Variants in PRKAR2B observed in about 807,000 individuals in gnomAD.
PRKAR2B encodes cAMP-dependent protein kinase type II-beta regulatory subunit.
PRKAR2B carries 14 observed loss-of-function variants against 49.9 expected under a neutral mutation model. That is an observed-to-expected ratio of 0.28 (90% CI 0.19 to 0.44). The LOEUF (loss-of-function observed/expected upper bound fraction) is 0.44, where lower values mean the gene tolerates loss of function less well. Among genes scored for constraint, PRKAR2B ranks in the 20% least tolerant of loss-of-function variants. PRKAR2B has a pLI of 1.00. For synonymous variants in PRKAR2B, 196 were observed against 197.7 expected, an observed-to-expected ratio of 0.99 and a Z score of 0.07; for missense variants, 393 against 537.9, an observed-to-expected ratio of 0.73 and a Z score of 2.67.
chr7:107,054,816 CT>C (rs551645051), intron 1 of PRKAR2B, among the ~76,000 whole-genome samples: 148 of 152,010 alleles, frequency 9.7e-4, no homozygotes, highest in Non-Finnish European at 1.6e-3. Context: ...TTTAAATAGA[CT>C]TTTTTTTATT....
intron 2 of PRKAR2B, among the ~76,000 whole-genome samples, chr7:107,084,095 AT>A (rs926209213): frequency 6.6e-6 from 1 of 152,174 alleles, no homozygotes; most frequent in Non-Finnish European, 1.5e-5. Context: ...TATGTTAAAT[AT>A]TTTTTTGCAC....
intron 2 of PRKAR2B, among the ~76,000 whole-genome samples, chr7:107,107,065 G>A (rs186381465): frequency 5.9e-5 from 9 of 152,244 alleles, no homozygotes; most frequent in East Asian, 1.9e-4. Context: ...GGTTGGGTGC[G>A]GTGGCTCACG....
chr7:107,054,597 T>C (rs1488091527), intron 1 of PRKAR2B, among the ~76,000 whole-genome samples: 2 of 152,160 alleles, frequency 1.3e-5, no homozygotes, highest in Non-Finnish European at 2.9e-5. Flanking sequence ...GAATATGGCC[T>C]CCATCAGTCA....
rs1794966383 is a variant in PRKAR2B at position 107,101,572 on chromosome 7, T to A, written c.344-20380T>A. On this transcript the variant is annotated intron_variant, in intron 2 of 10. Coordinates refer to ENST00000265717, the MANE Select transcript of PRKAR2B (RefSeq NM_002736.3). ...GTGTCTGCCTCATTTTCTGTTAAAT[T>A]TCTGGTTAGTTCACTGCATCCAGGA... Among the ~76,000 whole-genome samples the A allele has an allele frequency of 2.0e-5, 3 of 152,254 alleles. No individual in the cohort carries two copies. The South Asian group carries it at 6.2e-4, about 31-fold the overall frequency.
chr7:107,109,806 G>A (rs923778131), intron 2 of PRKAR2B, among the ~76,000 whole-genome samples: 1 of 152,060 alleles, frequency 6.6e-6, no homozygotes, highest in African/African-American at 2.4e-5. Flanking sequence ...AATTTCCAAT[G>A]TCATTAGATA....
intron 2 of PRKAR2B, among the ~76,000 whole-genome samples, chr7:107,105,526 G>A (rs993375357): frequency 6.6e-5 from 10 of 152,192 alleles, no homozygotes; most frequent in African/African-American, 2.2e-4. Context: ...TGAGAAATGG[G>A]TCAGCACTGA....
At chr7:107,149,804 C>T (rs937717079) in intron 6 of PRKAR2B, among the ~76,000 whole-genome samples, 9 of 152,018 alleles carry the variant, frequency 5.9e-5, no homozygotes, top group African/African-American at 1.9e-4. Context: ...TTTGGTAGCA[C>T]AATAGGGTGA....
intron 1 of PRKAR2B, among the ~76,000 whole-genome samples, chr7:107,052,269 A>AT (rs1793821528): frequency 6.6e-6 from 1 of 152,128 alleles, no homozygotes. Flanking sequence ...AAATACAAAA[A>AT]TTAGCTGGGC....
At chr7:107,078,844 C>T (rs1483459473) in intron 2 of PRKAR2B, among the ~76,000 whole-genome samples, 1 of 152,086 alleles carries the variant, frequency 6.6e-6, no homozygotes, top group Non-Finnish European at 1.5e-5. Context: ...TCTCTTAGAG[C>T]CCCCCAGGGA....
chr7:107,083,389 GACA>G (rs1013138268), intron 2 of PRKAR2B, among the ~76,000 whole-genome samples: 3 of 151,668 alleles, frequency 2.0e-5, no homozygotes, highest in African/African-American at 7.2e-5. Flanking sequence ...TGGTGATGAT[GACA>G]ACAATACTAA....
At chr7:107,132,938 C>T (rs1016811249) in intron 4 of PRKAR2B, among the ~76,000 whole-genome samples, 7 of 152,136 alleles carry the variant, frequency 4.6e-5, no homozygotes, top group African/African-American at 1.7e-4. Flanking sequence ...TAATGCTCCA[C>T]TCAGTAGGCC....
At chr7:107,114,704 A>G (rs1795239974) in intron 2 of PRKAR2B, among the ~76,000 whole-genome samples, 1 of 151,890 alleles carries the variant, frequency 6.6e-6, no homozygotes, top group Non-Finnish European at 1.5e-5. Flanking sequence ...AAAATACCAA[A>G]TGAAGAGCAA....
In PRKAR2B at chr7:107,130,857, G is replaced by A. The variant is rs137977331; in HGVS notation, c.480+2562G>A. ...TTAATCCTTACTTTTACACTTAGAG[G>A]TAGGCTTTATTCAAGAAGTCTGTAT... On this transcript the variant is annotated intron_variant, in intron 4 of 10. Coordinates refer to ENST00000265717, the MANE Select transcript of PRKAR2B (RefSeq NM_002736.3). Among the ~76,000 whole-genome samples the A allele has an allele frequency of 9.2e-5, 14 of 152,296 alleles. No individual in the cohort carries two copies. In the East Asian group the frequency reaches 1.9e-3, roughly 21 times the overall value.
intron 2 of PRKAR2B, among the ~76,000 whole-genome samples, chr7:107,100,857 G>A (rs1794947421): frequency 6.7e-6 from 1 of 150,210 alleles, no homozygotes; most frequent in African/African-American, 2.4e-5. Context: ...TCTTTATTGA[G>A]ATTCTTTATT....
chr7:107,052,270 T>C (rs1793821461), intron 1 of PRKAR2B, among the ~76,000 whole-genome samples: 1 of 152,010 alleles, frequency 6.6e-6, no homozygotes, highest in African/African-American at 2.4e-5. Flanking sequence ...AATACAAAAA[T>C]TAGCTGGGCG....
chr7:107,142,224 G>T (rs1795802440), intron 5 of PRKAR2B, among the ~76,000 whole-genome samples: 1 of 152,052 alleles, frequency 6.6e-6, no homozygotes, highest in Non-Finnish European at 1.5e-5. Flanking sequence ...CTCTGTGGGT[G>T]GTATCTTTCA....
intron 2 of PRKAR2B, chr7:107,078,234 A>G (rs1483509204): frequency 6.6e-6 from 1 of 152,626 alleles, no homozygotes; most frequent in Non-Finnish European, 1.5e-5. Context: ...AGAAAAGAAA[A>G]GAAATGGCTT....
chr7:107,053,588 A>C (rs1029313874), intron 1 of PRKAR2B, among the ~76,000 whole-genome samples: 2 of 149,974 alleles, frequency 1.3e-5, no homozygotes, highest in Admixed American at 6.7e-5. Context: ...AAAGACAGTC[A>C]CTCGGTAAGT....
intron 10 of PRKAR2B, among the ~76,000 whole-genome samples, chr7:107,159,135 A>T (rs1584459375): frequency 6.6e-6 from 1 of 152,158 alleles, no homozygotes; most frequent in Admixed American, 6.5e-5. Flanking sequence ...CAGCACATTT[A>T]TTTTTTAAAA....
Sources: gnomAD v4.1 joint callset for allele counts (sites outside exome capture counted in the v4.1 genomes callset) on GRCh38, gnomAD v4.1.1 for gene constraint, MANE v1.5 for transcripts, NCBI Gene and HGNC (gene_info 2026-07-23, HGNC 2026-07-21) for gene names.